COL5A3: variants seen among roughly 807,000 people sequenced by gnomAD.
COL5A3 encodes collagen alpha-3(V) chain.
COL5A3 carries 172 observed loss-of-function variants against 250.0 expected under a neutral mutation model. The observed-to-expected ratio is 0.69, with a 90% confidence interval of 0.61 to 0.78. COL5A3 has a LOEUF of 0.78. COL5A3 is among the 30% of genes least tolerant of loss of function. The probability of loss-of-function intolerance (pLI) is 0.00; values close to 1 mark genes in which losing one functional copy is unlikely to be tolerated. For missense variants in COL5A3, 2,340 were observed against 2,334.4 expected (o/e 1.00, Z -0.05); for synonymous variants, 937 against 900.4 (o/e 1.04, Z -0.73).
chr19:9,995,319 C>A (rs2087254166), intron 16 of COL5A3, among the ~76,000 whole-genome samples: 1 of 152,240 alleles, frequency 6.6e-6, no homozygotes, highest in Non-Finnish European at 1.5e-5. Context: ...TCTTCCACTT[C>A]CCCATCTGTT....
At position 9,968,786 on chromosome 19, in the gene COL5A3, G is replaced by T; in HGVS notation, c.4153-58C>A. 1.4e-6 allele frequency: 2 copies of T among 1,430,178 alleles called. No individual in the cohort carries two copies. The highest frequency in any genetic ancestry group is 2.4e-5 in the South Asian group (2 of 82,262). The allele number at this position is 1,430,178 out of a possible 1,614,324, so 88.6% of individuals were successfully genotyped here. On this transcript the variant is annotated intron_variant, in intron 57 of 66. Transcript: ENST00000264828. The surrounding 1 kb of genome is among the most constrained non-coding windows in gnomAD (Gnocchi z 4.1). The stretch of plus-strand genomic sequence containing the variant: ...TCAAATGTGAACTCGAGGTCTGTGT[G>T]GGTGGTTAGGGGATGGTCAAATGGG...
Position 9,992,810 on chromosome 19 carries a change from G to A in COL5A3, c.1848+17C>T, listed in dbSNP as rs774097133. 6 of 1,612,810 alleles carry A rather than the reference G, an allele frequency of 3.7e-6. No individual in the cohort carries two copies. The highest frequency in any genetic ancestry group is 5.1e-6 in the Non-Finnish European group (6 of 1,179,138). ...ACAAAAAGACAGACAGGGATGCAGAGAGCCAGTGACACTCACCGGGCGACC... is the reference window on the plus strand; with the variant it reads ...ACAAAAAGACAGACAGGGATGCAGAAAGCCAGTGACACTCACCGGGCGACC... On this transcript the variant is annotated intron_variant, in intron 21 of 66. Coordinates refer to ENST00000264828, the MANE Select transcript of COL5A3 (RefSeq NM_015719.4).
chr19:9,990,960 C>G (rs1051470304), intron 24 of COL5A3, among the ~76,000 whole-genome samples: 1 of 152,192 alleles, frequency 6.6e-6, no homozygotes, highest in Non-Finnish European at 1.5e-5. Context: ...CATGATGGCT[C>G]TCGCCTGTAA....
At position 9,973,612 on chromosome 19, in the gene COL5A3, C is replaced by A. The variant is rs62638752; in HGVS notation, c.3624G>T (p.Gly1208=). The change falls in exon 50 of 67, where the codon GGG becomes GGT. Residue 1208 remains glycine, a synonymous_variant. Transcript: ENST00000264828. ...PGAVGEKGER[G]DAGDPGPPGA... ...CTGGAGGCCCTGGGTCTCCAGCGTCCCCTCGCTCACCCTGCAGGAGGCAAA... is the reference window on the plus strand; with the variant it reads ...CTGGAGGCCCTGGGTCTCCAGCGTCACCTCGCTCACCCTGCAGGAGGCAAA... The A allele has an allele frequency of 1.2e-6, 2 of 1,612,816 alleles. No individual in the cohort carries two copies. The highest frequency in any genetic ancestry group is 1.7e-6 in the Non-Finnish European group (2 of 1,179,360).
Position 10,010,386 on chromosome 19 carries a change from C to T in COL5A3, c.-1G>A, listed in dbSNP as rs1162661465. ...GGCCCAGGTCCCGGCGGTTCCCCATCCCGGCGGGGCCCACGGGCAAGGCGG... is the reference window on the plus strand; with the variant it reads ...GGCCCAGGTCCCGGCGGTTCCCCATTCCGGCGGGGCCCACGGGCAAGGCGG... On this transcript the variant is annotated 5_prime_UTR_variant, in exon 1 of 67. Coordinates refer to ENST00000264828, the MANE Select transcript of COL5A3 (RefSeq NM_015719.4). 1.4e-6 allele frequency: 2 copies of T among 1,433,770 alleles called. No individual in the cohort carries two copies. The highest frequency in any genetic ancestry group is 3.0e-5 in the East Asian group (1 of 33,048). 88.8% of individuals were successfully genotyped at this position (1,433,770 alleles called of 1,614,324 possible). A position where few individuals can be genotyped will look rare whatever the true frequency, so the allele number is the denominator to read the frequency against.
chr19:9,970,946 A>C, intron 53 of COL5A3, 29 bp downstream of exon 53: 1 of 1,538,080 alleles, frequency 6.5e-7, no homozygotes, highest in Non-Finnish European at 8.7e-7. Flanking sequence ...CCCCCGCCTC[A>C]GCACCACACC....
At chr19:9,977,852 C>G in intron 41 of COL5A3, 151 bp from the exon 42 acceptor site, 1 of 509,752 alleles carries the variant, frequency 2.0e-6, no homozygotes, top group Non-Finnish European at 3.2e-6. Flanking sequence ...CCTGTGAGCA[C>G]CTGAGGGGCA....
At position 9,982,052 on chromosome 19, in the gene COL5A3, G is replaced by T. The variant is rs376045556; in HGVS notation, c.2460+13C>A. On this transcript the variant is annotated intron_variant, in intron 32 of 66. Transcript: ENST00000264828. The stretch of plus-strand genomic sequence containing the variant: ...AAGTTCTCCCCTCTCCCTTACCCCC[G>T]GTCATGACTCACCGACTTCCCTTTC... The T allele has an allele frequency of 1.9e-6, 3 of 1,605,748 alleles. No homozygotes were observed. Among genetic ancestry groups the T allele is most frequent in the Non-Finnish European group, 2.6e-6 (3 of 1,173,532 alleles).
Position 9,986,769 on chromosome 19 carries a change from A to AAT in COL5A3, c.2146-12_2146-11insAT. ...GTTGCCTGAAGTGCCCTGGAAAATA[A>AAT]AAAAAAAAAGCTCTCAAGCCTCTTC... On this transcript the variant is annotated splice_polypyrimidine_tract_variant and intron_variant, in intron 27 of 66. Coordinates refer to ENST00000264828, the MANE Select transcript of COL5A3 (RefSeq NM_015719.4). 1.3e-6 allele frequency: 2 copies of AAT among 1,553,484 alleles called. No individual in the cohort carries two copies. The highest frequency in any genetic ancestry group is 1.7e-5 in the Admixed American group (1 of 58,616).
rs1206168407 is a variant in COL5A3, at chr19:9,991,852, A to G, written c.1894-11T>C. The G allele has an allele frequency of 1.9e-6, 3 of 1,607,018 alleles. No individual in the cohort carries two copies. The African/African-American group carries it at 4.0e-5, about 22-fold the overall frequency. ...TTCTCCTGGAGGACCCTGGGGAGAAAGTGGGGTTTCAGTGAAGCTAAGAGG... is the reference window on the plus strand; with the variant it reads ...TTCTCCTGGAGGACCCTGGGGAGAAGGTGGGGTTTCAGTGAAGCTAAGAGG... On this transcript the variant is annotated splice_polypyrimidine_tract_variant and intron_variant, in intron 22 of 66. Coordinates refer to ENST00000264828, the MANE Select transcript of COL5A3 (RefSeq NM_015719.4).
chr19:9,972,632 T>C (rs538823375), intron 51 of COL5A3, among the ~76,000 whole-genome samples: 43 of 152,148 alleles, frequency 2.8e-4, no homozygotes, highest in South Asian at 2.5e-3. Flanking sequence ...GGTCAGGAGA[T>C]CGAGACCATC....
chr19:9,993,620 C>T lies in COL5A3; in HGVS notation c.1694G>A (p.Arg565Lys), dbSNP rs745788718. The part of the protein sequence containing the change: ...LPGLPGEKGQ[R>K]GDFGHVGQPG... The stretch of plus-strand genomic sequence containing the variant: ...GGGGGAGGGACCTCACACACTCACC[C>T]TTTGGCCCTTCTCACCAGGCAGCCC... Residue 565 changes from arginine (R) to lysine (K), a missense_variant and splice_region_variant, in exon 18 of 67, where the codon AGG (arginine) becomes AAG (lysine). Physicochemically the swap from Arg to Lys is conservative, Grantham distance 26 (BLOSUM62 2). Transcript: ENST00000264828. 1.2e-6 allele frequency: 2 copies of T among 1,613,952 alleles called. No homozygotes were observed. The highest frequency in any genetic ancestry group is 1.1e-5 in the South Asian group (1 of 91,074).
rs1343713212 is a variant in COL5A3 at position 10,009,522 on chromosome 19, GC to G, written c.88+775del. On this transcript the variant is annotated intron_variant, in intron 1 of 66. Transcript: ENST00000264828. This position sits in a 1 kb window ranked among gnomAD's most constrained non-coding sequence, Gnocchi z 4.4. ...GGGGAGCAACTTCCACTCCTGCCCC[GC>G]CCTGCGCCCCGCCCCGTCTCGCCCC... Among the ~76,000 whole-genome samples, 2 of 151,942 alleles carry G rather than the reference GC, an allele frequency of 1.3e-5. No individual in the cohort carries two copies. Among genetic ancestry groups the G allele is most frequent in the African/African-American group, 2.4e-5 (1 of 41,332 alleles).
intron 31 of COL5A3, among the ~76,000 whole-genome samples, chr19:9,983,664 A>C (rs2087052088): frequency 6.8e-6 from 1 of 146,602 alleles, no homozygotes; most frequent in Non-Finnish European, 1.5e-5. Flanking sequence ...AGACAGAAAG[A>C]AAGAAAGAAA....
Position 9,969,699 on chromosome 19 carries a change from C to A in COL5A3, c.3991-17G>T. 3.1e-6 allele frequency: 5 copies of A among 1,588,902 alleles called. No homozygotes were observed. In the South Asian group the frequency reaches 5.7e-5, roughly 18 times the overall value. Reference sequence around the variant, plus strand: ...TGGCTCCCCCTGAAATGGACACAGGCAAGGGAGGGGCCAGAGTCAGAGGGT... The same window carrying A: ...TGGCTCCCCCTGAAATGGACACAGGAAAGGGAGGGGCCAGAGTCAGAGGGT... On this transcript the variant is annotated splice_polypyrimidine_tract_variant and intron_variant, in intron 55 of 66. Coordinates refer to ENST00000264828, the MANE Select transcript of COL5A3 (RefSeq NM_015719.4).
Position 9,970,632 on chromosome 19 carries a change from G to A in COL5A3, c.3926C>T (p.Pro1309Leu), listed in dbSNP as rs745618581. 7 of 1,449,416 alleles carry A rather than the reference G, an allele frequency of 4.8e-6. No homozygotes were observed. The highest frequency in any genetic ancestry group is 6.3e-6 in the Non-Finnish European group (7 of 1,102,488). 89.8% of individuals were successfully genotyped at this position (1,449,416 alleles called of 1,614,324 possible). A position where few individuals can be genotyped will look rare whatever the true frequency, so the allele number is the denominator to read the frequency against. The change falls in exon 54 of 67, where the codon CCC (proline) becomes CTC (leucine). Residue 1309 changes from proline (P) to leucine (L), a missense_variant. Around this residue, in one of 3 missense-constraint regions of COL5A3, gnomAD observed 1,179 missense variants for 1,162.6 expected, o/e 1.01. Transcript: ENST00000264828. ...TGGCTTATCACTTACCCTCTTGCCG[G>A]GGGGCCCGGGGGCGCCGGGCTCCCC... ...ASGEPGAPGP[P>L]GKRGPSGHMG...
intron 43 of COL5A3, 23 bp downstream of exon 43, chr19:9,977,342 C>A (rs1437426506): frequency 8.1e-6 from 13 of 1,611,452 alleles, no homozygotes; most frequent in Non-Finnish European, 1.1e-5. Flanking sequence ...CCCCTGGACC[C>A]TTCCTCTCTG....
rs1487358319 is a variant in COL5A3, at chr19:9,962,864, C to T, written c.4806G>A (p.Lys1602=). 1 of 1,611,362 alleles carries T rather than the reference C, an allele frequency of 6.2e-7. No homozygotes were observed. Among genetic ancestry groups the T allele is most frequent in the Non-Finnish European group, 8.5e-7 (1 of 1,178,728 alleles). The part of the protein sequence containing the change: ...FEIVKLASWS[K]EKPGGWYSTF... ...TGCTATACCAGCCTCCAGGCTTTTCCTTGGACCAGGAGGCCAATTTCACCT... is the reference window on the plus strand; with the variant it reads ...TGCTATACCAGCCTCCAGGCTTTTCTTTGGACCAGGAGGCCAATTTCACCT... Residue 1602 remains lysine, a synonymous_variant, in exon 65 of 67, where the codon AAG becomes AAA. Coordinates refer to ENST00000264828, the MANE Select transcript of COL5A3 (RefSeq NM_015719.4).
At chr19:9,973,109 G>A (rs999535052) in intron 50 of COL5A3, 83 bp from the exon 51 acceptor site, 3 of 1,307,294 alleles carry the variant, frequency 2.3e-6, no homozygotes, top group African/African-American at 3.0e-5. Flanking sequence ...AGGCATTGGG[G>A]TGGTCTGGGA....
Sources: gnomAD v4.1 joint callset for allele counts (sites outside exome capture counted in the v4.1 genomes callset) on GRCh38, gnomAD v4.1.1 for gene constraint, gnomAD v4.1.1 regional missense constraint, Gnocchi (gnomAD v3.1) non-coding constraint, MANE v1.5 for transcripts, NCBI Gene and HGNC (gene_info 2026-07-23, HGNC 2026-07-21) for gene names.